The following YAP1 variants were observed in gnomAD, a reference collection of about 807,000 sequenced individuals.
YAP1 encodes the protein Yes1 associated transcriptional regulator, also known as transcriptional coactivator YAP1.
Under a neutral mutation model 56.9 loss-of-function variants are expected in YAP1, and 5 were observed. The observed-to-expected ratio is 0.09, with a 90% confidence interval of 0.05 to 0.18. The LOEUF (loss-of-function observed/expected upper bound fraction) is 0.18. Ranked by LOEUF, YAP1 falls within the 10% of genes least tolerant of loss-of-function variation. The pLI, the probability that YAP1 is intolerant of heterozygous loss-of-function variation, is 1.00. For synonymous variants in YAP1, 265 were observed against 248.1 expected (o/e 1.07, Z -0.64); for missense variants, 539 against 651.8 (o/e 0.83, Z 1.88).
At chr11:102,111,528 G>A (rs1284801524) in intron 1 of YAP1, among the ~76,000 whole-genome samples, 1 of 151,876 alleles carries the variant, frequency 6.6e-6, no homozygotes, top group Non-Finnish European at 1.5e-5. Context: ...GGAAAAGTCG[G>A]GCCTGGGCCG....
At chr11:102,119,804 A>G (rs1219186181) in intron 2 of YAP1, among the ~76,000 whole-genome samples, 1 of 152,166 alleles carries the variant, frequency 6.6e-6, no homozygotes, top group Non-Finnish European at 1.5e-5. Context: ...CTTTGAGGGG[A>G]GGTAAACTCT....
intron 2 of YAP1, among the ~76,000 whole-genome samples, chr11:102,142,813 G>A (rs1175605852): frequency 2.6e-5 from 4 of 152,108 alleles, no homozygotes; most frequent in Non-Finnish European, 5.9e-5. Flanking sequence ...TCAAAGAACC[G>A]TTTGTGGCTA....
At chr11:102,213,312 C>T (rs931000984) in intron 6 of YAP1, among the ~76,000 whole-genome samples, 3 of 152,104 alleles carry the variant, frequency 2.0e-5, no homozygotes, top group East Asian at 3.9e-4. Context: ...TGGTGAAACC[C>T]GTCTCTACTA....
Position 102,230,153 on chromosome 11 carries a change from A to G in YAP1, c.*213A>G, listed in dbSNP as rs1950386149. The G allele has an allele frequency of 6.6e-6, 3 of 455,038 alleles. No homozygotes were observed. In the South Asian group the frequency reaches 1.4e-4, roughly 21 times the overall value. The allele number at this position is 455,038 out of a possible 1,614,324, so 28.2% of individuals were successfully genotyped here. On this transcript the variant is annotated 3_prime_UTR_variant, in exon 9 of 9. Transcript: ENST00000282441. ...CTTTCACAGTTGGCTCTAAAGAATC[A>G]AAAGAAAAAAACTTTTTATTTCTTT...
At chr11:102,209,891 A>G (rs1949310178) in intron 6 of YAP1, among the ~76,000 whole-genome samples, 1 of 152,254 alleles carries the variant, frequency 6.6e-6, no homozygotes, top group Non-Finnish European at 1.5e-5. Context: ...AGCTTAAAAT[A>G]GTATGTGTAA....
intron 4 of YAP1, among the ~76,000 whole-genome samples, chr11:102,202,334 A>AT (rs34528413): frequency 0.56 from 73,838 of 130,848 alleles, 20,866 homozygotes; most frequent in Admixed American, 0.61. Context: ...CACCTGGCTA[A>AT]TTTTTTTTTT....
intron 2 of YAP1, among the ~76,000 whole-genome samples, chr11:102,133,936 C>T (rs1012445332): frequency 2.0e-5 from 3 of 152,144 alleles, no homozygotes; most frequent in Admixed American, 2.0e-4. Context: ...CACACGACCG[C>T]TTTTTGTACA....
At position 102,209,541 on chromosome 11, in the gene YAP1, A is replaced by C. The variant is rs776287066; in HGVS notation, c.1009A>C (p.Thr337Pro). 1.2e-6 allele frequency: 2 copies of C among 1,601,176 alleles called. No individual in the cohort carries two copies. ...GGCAATGCGGAATATCAATCCCAGC[A>C]CAGCAAATTCTCCAAAATGTCAGGT... Reference protein sequence around the residue: ...RQAMRNINPSTANSPKCQELA... With the variant: ...RQAMRNINPSPANSPKCQELA... Residue 337 changes from threonine to proline, a missense_variant, in exon 6 of 9, where the codon ACA becomes CCA. By Grantham distance (38) the Thr-to-Pro change is conservative (BLOSUM62 -1). Around this residue, in one of 4 missense-constraint regions of YAP1, gnomAD observed 414 missense variants for 512.4 expected, o/e 0.81. Transcript: ENST00000282441.
chr11:102,141,555 C>G (rs555637504), intron 2 of YAP1, among the ~76,000 whole-genome samples: 2 of 152,262 alleles, frequency 1.3e-5, no homozygotes, highest in African/African-American at 4.8e-5. Context: ...AGACTTACTT[C>G]TGTGTTGGAA....
chr11:102,125,407 C>T (rs868011046), intron 2 of YAP1, among the ~76,000 whole-genome samples: 2 of 132,046 alleles, frequency 1.5e-5, no homozygotes, highest in Middle Eastern at 5.2e-3. Flanking sequence ...GACAGAGCTT[C>T]GCACTGTTGC....
chr11:102,219,332 T>C (rs1407923058), intron 6 of YAP1, among the ~76,000 whole-genome samples: 1 of 152,108 alleles, frequency 6.6e-6, no homozygotes, highest in East Asian at 1.9e-4. Flanking sequence ...ACAGCAAAAA[T>C]AATTACGATA....
intron 3 of YAP1, among the ~76,000 whole-genome samples, chr11:102,165,369 A>C (rs961490135): frequency 2.6e-5 from 4 of 152,192 alleles, no homozygotes; most frequent in Admixed American, 1.3e-4. Flanking sequence ...TAACAACAAC[A>C]ACAAAAATTT....
chr11:102,188,289 T>C (rs146314276), intron 4 of YAP1, among the ~76,000 whole-genome samples: 14 of 152,302 alleles, frequency 9.2e-5, no homozygotes, highest in African/African-American at 3.1e-4. Flanking sequence ...TATTAAAATA[T>C]TTATCAATTT....
At chr11:102,226,051 A>G (rs1950178309) in intron 7 of YAP1, among the ~76,000 whole-genome samples, 1 of 152,202 alleles carries the variant, frequency 6.6e-6, no homozygotes, top group Non-Finnish European at 1.5e-5. Context: ...GCAACTCTGT[A>G]AGTTCAGTTA....
chr11:102,127,278 C>G (rs1260409050), intron 2 of YAP1, among the ~76,000 whole-genome samples: 1 of 152,208 alleles, frequency 6.6e-6, no homozygotes, highest in Non-Finnish European at 1.5e-5. Flanking sequence ...CCCCTCCCAT[C>G]ACAGGCCTGG....
At chr11:102,216,639 A>G (rs1436289557) in intron 6 of YAP1, among the ~76,000 whole-genome samples, 3 of 152,164 alleles carry the variant, frequency 2.0e-5, no homozygotes, top group Non-Finnish European at 4.4e-5. Context: ...TACAAAACTG[A>G]TTTCAGTTGA....
chr11:102,178,414 G>T (rs967574771), intron 3 of YAP1, among the ~76,000 whole-genome samples: 1 of 152,138 alleles, frequency 6.6e-6, no homozygotes, highest in Admixed American at 6.5e-5. Context: ...CCTCTAACTC[G>T]TGGTGTAGTT....
chr11:102,125,577 C>T (rs932271417), intron 2 of YAP1, among the ~76,000 whole-genome samples: 2 of 151,652 alleles, frequency 1.3e-5, no homozygotes, highest in Non-Finnish European at 2.9e-5. Flanking sequence ...TGGGGATTCA[C>T]CATGTTACCC....
chr11:102,130,560 A>G (rs1373225549), intron 2 of YAP1, among the ~76,000 whole-genome samples: 2 of 151,526 alleles, frequency 1.3e-5, no homozygotes, highest in African/African-American at 4.9e-5. Context: ...GTGCCACCAC[A>G]CCTGGCTAAT....
Sources: allele counts gnomAD v4.1 joint callset (sites outside exome capture counted in the v4.1 genomes callset), GRCh38; gene constraint gnomAD v4.1.1; regional missense constraint gnomAD v4.1.1; transcripts MANE v1.5; gene names NCBI Gene and HGNC (gene_info 2026-07-23, HGNC 2026-07-21).